Variants in MMRN1 observed in about 807,000 individuals in gnomAD.
MMRN1 encodes multimerin 1.
Under a neutral mutation model 100.7 loss-of-function variants are expected in MMRN1, and 94 were observed. That is an observed-to-expected ratio of 0.93 (90% CI 0.79 to 1.11). The LOEUF (loss-of-function observed/expected upper bound fraction) is 1.11, where lower values mean the gene tolerates loss of function less well. Among genes scored for constraint, MMRN1 ranks in the 50% least tolerant of loss-of-function variants. MMRN1 has a pLI of 0.00. For missense variants in MMRN1, 1,606 were observed against 1,439.1 expected (o/e 1.12, Z -1.88); for synonymous variants, 575 against 505.0 (o/e 1.14, Z -1.86).
intron 6 of MMRN1, among the ~76,000 whole-genome samples, 162 bp downstream of exon 6, chr4:89,936,960 T>C (rs1171429920): frequency 2.6e-5 from 4 of 152,096 alleles, no homozygotes; most frequent in Admixed American, 2.0e-4. Context: ...AATCTGAATC[T>C]ATCTTACAGT....
intron 4 of MMRN1, among the ~76,000 whole-genome samples, chr4:89,926,910 C>A (rs779536819): frequency 6.6e-6 from 1 of 151,948 alleles, no homozygotes; most frequent in Non-Finnish European, 1.5e-5. Context: ...GTTTTTGGCA[C>A]CTTTGTTGAA....
intron 6 of MMRN1, among the ~76,000 whole-genome samples, chr4:89,940,223 T>C (rs1193464734): frequency 6.6e-6 from 1 of 152,150 alleles, no homozygotes; most frequent in Non-Finnish European, 1.5e-5. Context: ...AGCAGCTGAA[T>C]CCTGACTTAA....
intron 1 of MMRN1, among the ~76,000 whole-genome samples, chr4:89,906,709 A>G (rs1346514147): frequency 6.6e-6 from 1 of 151,532 alleles, no homozygotes; most frequent in East Asian, 1.9e-4. Context: ...CATTTTTAAT[A>G]TCCCTTAATG....
At chr4:89,932,531 G>A (rs1722475525) in intron 5 of MMRN1, among the ~76,000 whole-genome samples, 1 of 152,092 alleles carries the variant, frequency 6.6e-6, no homozygotes, top group South Asian at 2.1e-4. Flanking sequence ...TATGAAGGCT[G>A]TGCCCCTGCC....
chr4:89,883,397 T>C (rs987386446), intron 1 of MMRN1, among the ~76,000 whole-genome samples: 1 of 152,022 alleles, frequency 6.6e-6, no homozygotes, highest in Non-Finnish European at 1.5e-5. Context: ...CATCCAACAT[T>C]TGGTGCTATG....
At chr4:89,938,910 G>C (rs1722737164) in intron 6 of MMRN1, among the ~76,000 whole-genome samples, 1 of 151,982 alleles carries the variant, frequency 6.6e-6, no homozygotes, top group South Asian at 2.1e-4. Context: ...CACGTGCAAG[G>C]TAGATATTCC....
At chr4:89,948,985 C>A (rs562728815) in intron 6 of MMRN1, among the ~76,000 whole-genome samples, 140 of 152,150 alleles carry the variant, frequency 9.2e-4, no homozygotes, top group Admixed American at 4.8e-3. Flanking sequence ...AGATGAATGA[C>A]CCTAAAAAGA....
At position 89,927,787 on chromosome 4, in the gene MMRN1, A is replaced by G. The variant is rs755149772; in HGVS notation, c.956-8A>G. The stretch of plus-strand genomic sequence containing the variant: ...TTTAATGGTCTCAATTTTCTCTTCT[A>G]TATGCAGAAGTGATGCAAAAAATGA... On this transcript the variant is annotated splice_polypyrimidine_tract_variant and splice_region_variant and intron_variant, in intron 4 of 7. Transcript: ENST00000264790. The G allele has an allele frequency of 1.2e-6, 2 of 1,603,444 alleles. No homozygotes were observed. The highest frequency in any genetic ancestry group is 1.7e-6 in the Non-Finnish European group (2 of 1,176,148).
chr4:89,921,562 T>C (rs1415646704), intron 3 of MMRN1, among the ~76,000 whole-genome samples: 1 of 152,024 alleles, frequency 6.6e-6, no homozygotes, highest in East Asian at 1.9e-4. Context: ...TTGCTAGGTC[T>C]TAGAAGAAGA....
chr4:89,948,654 T>C (rs1301246011), intron 6 of MMRN1, among the ~76,000 whole-genome samples: 1 of 152,198 alleles, frequency 6.6e-6, no homozygotes, highest in Non-Finnish European at 1.5e-5. Context: ...TAACCTACTA[T>C]GCTTGGGCTC....
At chr4:89,899,180 A>T (rs182847859) in intron 1 of MMRN1, among the ~76,000 whole-genome samples, 3 of 151,650 alleles carry the variant, frequency 2.0e-5, no homozygotes, top group African/African-American at 7.2e-5. Flanking sequence ...TTATTCTGGC[A>T]TATTTTTGTT....
chr4:89,936,730 C>T lies in MMRN1; in HGVS notation c.3050C>T (p.Pro1017Leu), dbSNP rs781714532. ...AAGAAAATTAACGCACTTAAGAAAC[C>T]AACGGTAAATCTTACCACAGTCCTG... The part of the protein sequence containing the change: ...LPKKINALKK[P>L]TVNLTTVLIG... The change falls in exon 6 of 8, where the codon CCA becomes CTA. Residue 1017 changes from proline (P) to leucine (L), a missense_variant. By Grantham distance (98) the Pro-to-Leu change is moderately conservative. Coordinates refer to ENST00000264790, the MANE Select transcript of MMRN1 (RefSeq NM_007351.3). 7 of 1,613,136 alleles carry T rather than the reference C, an allele frequency of 4.3e-6. No individual in the cohort carries two copies. The highest frequency in any genetic ancestry group is 5.9e-6 in the Non-Finnish European group (7 of 1,179,520).
At chr4:89,950,409 T>C (rs1054172457) in intron 6 of MMRN1, among the ~76,000 whole-genome samples, 1 of 152,304 alleles carries the variant, frequency 6.6e-6, no homozygotes. Context: ...CTGATAAATA[T>C]CGTCACATTG....
Position 89,897,672 on chromosome 4 carries a change from T to C in MMRN1, c.623+2078T>C, listed in dbSNP as rs892193443. ...TAAATACTAGTTTTTAAATAAATGC[T>C]AGTTGTGTTATCCAAGGTCCTTGCT... On this transcript the variant is annotated intron_variant, in intron 1 of 7. Transcript: ENST00000264790. Among the ~76,000 whole-genome samples the C allele has an allele frequency of 2.6e-5, 4 of 152,220 alleles. No individual in the cohort carries two copies. In the East Asian group the frequency reaches 7.7e-4, roughly 29 times the overall value.
At chr4:89,904,105 C>A (rs771320446) in intron 1 of MMRN1, among the ~76,000 whole-genome samples, 1 of 151,568 alleles carries the variant, frequency 6.6e-6, no homozygotes, top group Non-Finnish European at 1.5e-5. Context: ...CCCTCCTCCT[C>A]TCTTCTTTTC....
chr4:89,895,117 T>C lies in MMRN1; in HGVS notation c.146T>C (p.Ile49Thr), dbSNP rs1431093054. Residue 49 changes from isoleucine (I) to threonine (T), a missense_variant, in exon 1 of 8, where the codon ATA becomes ACA. Physicochemically the swap from Ile to Thr is moderately conservative, Grantham distance 89 (BLOSUM62 -1). Transcript: ENST00000264790. ...MPSASVPPNK[I>T]QSLQILPTTR... The stretch of plus-strand genomic sequence containing the variant: ...TCTGCTTCAGTTCCTCCAAATAAAA[T>C]ACAAAGTTTGCAAATACTGCCAACC... The C allele has an allele frequency of 1.9e-6, 3 of 1,613,784 alleles. No individual in the cohort carries two copies. Among genetic ancestry groups the C allele is most frequent in the African/African-American group, 1.3e-5 (1 of 74,982 alleles).
In MMRN1 at chr4:89,953,667, A is replaced by G. The variant is rs1412285875; in HGVS notation, c.*249A>G. ...GAAAACAAAGTGAATTTGTTAGCAT[A>G]ATTATTCCTATTCTTATTTCTTCAT... On this transcript the variant is annotated 3_prime_UTR_variant, in exon 8 of 8. Coordinates refer to ENST00000264790, the MANE Select transcript of MMRN1 (RefSeq NM_007351.3). 1 of 336,384 alleles carries G rather than the reference A, an allele frequency of 3.0e-6. No individual in the cohort carries two copies. Among genetic ancestry groups the G allele is most frequent in the East Asian group, 5.0e-5 (1 of 20,068 alleles). 20.8% of individuals were successfully genotyped at this position (336,384 alleles called of 1,614,324 possible).
chr4:89,903,037 T>A (rs1447532523), intron 1 of MMRN1, among the ~76,000 whole-genome samples: 2 of 151,964 alleles, frequency 1.3e-5, no homozygotes, highest in Non-Finnish European at 2.9e-5. Context: ...TCTTTTGGAC[T>A]TTTAGCCAAA....
rs1447355049 is a variant in MMRN1 at position 89,935,744 on chromosome 4, A to G, written c.2064A>G (p.Leu688=). The change falls in exon 6 of 8, where the codon CTA becomes CTG. Residue 688 remains leucine, a synonymous_variant. Transcript: ENST00000264790. ...IENLTSAVNS[L]NFIIKELTKR... is the part of the protein sequence containing the mutation. ...ATCTGACTAGTGCTGTCAATAGTCT[A>G]AATTTTATTATCAAAGAACTTACAA... 10 of 1,611,742 alleles carry G rather than the reference A, an allele frequency of 6.2e-6. No individual in the cohort carries two copies. Among genetic ancestry groups the G allele is most frequent in the Non-Finnish European group, 8.5e-6 (10 of 1,179,320 alleles).
Sources: allele counts gnomAD v4.1 joint callset (sites outside exome capture counted in the v4.1 genomes callset), GRCh38; gene constraint gnomAD v4.1.1; transcripts MANE v1.5; gene names NCBI Gene and HGNC (gene_info 2026-07-23, HGNC 2026-07-21).